Variants in NAA30 observed in about 807,000 individuals in gnomAD.
NAA30 encodes the protein N-alpha-acetyltransferase 30, NatC catalytic subunit, also known as N-alpha-acetyltransferase 30.
A neutral mutation model predicts 31.4 loss-of-function variants in NAA30; 5 were observed. The observed-to-expected ratio is 0.16, with a 90% confidence interval of 0.08 to 0.33. NAA30 has a LOEUF of 0.33. NAA30 is among the 10% of genes least tolerant of loss of function. The pLI is 1.00. For synonymous variants in NAA30, 222 were observed against 207.1 expected (o/e 1.07, Z -0.62); for missense variants, 428 against 490.8 (o/e 0.87, Z 1.21).
Position 57,413,166 on chromosome 14 carries a change from A to T in NAA30, c.*3650A>T, listed in dbSNP as rs560942402. ...AGACACCAAAGTAAAATAGAGCAAT[A>T]TCCAAAGAGCTTTTTGCCCCTGTCT... On this transcript the variant is annotated 3_prime_UTR_variant, in exon 5 of 5. Coordinates refer to ENST00000556492, the MANE Select transcript of NAA30 (RefSeq NM_001011713.3). The T allele has an allele frequency of 1.3e-5, 2 of 151,868 alleles. No individual in the cohort carries two copies. Among genetic ancestry groups the T allele is most frequent in the Non-Finnish European group, 2.9e-5 (2 of 67,982 alleles). The allele number at this position is 151,868 out of a possible 1,614,324, so 9.4% of individuals were successfully genotyped here. A position where few individuals can be genotyped will look rare whatever the true frequency, so the allele number is the denominator to read the frequency against.
chr14:57,391,124 C>T lies in NAA30; in HGVS notation c.167C>T (p.Pro56Leu). 6.4e-7 allele frequency: 1 copy of T among 1,570,866 alleles called. No homozygotes were observed. ...CACGAAGGCGGCGGCAGCAGGAGCC[C>T]GGCGGGCGGAGAGTCGGCGACGGTG... is the stretch of plus-strand genomic sequence containing the variant. ...EEHEGGGSRS[P>L]AGGESATVAA... Residue 56 changes from proline (P) to leucine (L), a missense_variant, in exon 2 of 5, where the codon CCG (proline) becomes CTG (leucine). Pro to Leu is a moderately conservative substitution (Grantham distance 98, BLOSUM62 -3). Transcript: ENST00000556492. The surrounding 1 kb of genome is among the most constrained non-coding windows in gnomAD (Gnocchi z 4.1).
intron 4 of NAA30, among the ~76,000 whole-genome samples, chr14:57,408,550 C>T (rs1490143123): frequency 6.6e-6 from 1 of 152,144 alleles, no homozygotes; most frequent in Non-Finnish European, 1.5e-5. Context: ...CATCATCTAG[C>T]AATTTAAAAA....
At chr14:57,398,960 T>C (rs770321721) in intron 3 of NAA30, among the ~76,000 whole-genome samples, 4 of 151,900 alleles carry the variant, frequency 2.6e-5, no homozygotes, top group Admixed American at 6.6e-5. Context: ...TTAGTAGAGA[T>C]GGGGTTTTGC....
chr14:57,413,007 T>C lies in NAA30; in HGVS notation c.*3491T>C, dbSNP rs1031401265. On this transcript the variant is annotated 3_prime_UTR_variant, in exon 5 of 5. Transcript: ENST00000556492. The stretch of plus-strand genomic sequence containing the variant: ...GTCAGTTATCGGTACATTTTCCATG[T>C]GTTCAGTCAAAAGTTTATCTTTTTA... 1 of 152,224 alleles carries C rather than the reference T, an allele frequency of 6.6e-6. No homozygotes were observed. Among genetic ancestry groups the C allele is most frequent in the African/African-American group, 2.4e-5 (1 of 41,472 alleles). The allele number at this position is 152,224 out of a possible 1,614,324, so 9.4% of individuals were successfully genotyped here.
At chr14:57,402,676 G>GA (rs1480541273) in intron 4 of NAA30, among the ~76,000 whole-genome samples, 15 of 152,256 alleles carry the variant, frequency 9.9e-5, no homozygotes, top group Admixed American at 2.0e-4. Flanking sequence ...AGCGATTAAT[G>GA]AAAAGGCAAA....
chr14:57,404,330 A>C (rs903913137), intron 4 of NAA30, among the ~76,000 whole-genome samples: 5 of 152,296 alleles, frequency 3.3e-5, no homozygotes, highest in African/African-American at 1.2e-4. Flanking sequence ...ACACACACAC[A>C]CACAAAAAGA....
At chr14:57,407,330 A>G (rs1308572029) in intron 4 of NAA30, among the ~76,000 whole-genome samples, 1 of 152,016 alleles carries the variant, frequency 6.6e-6, no homozygotes, top group Admixed American at 6.5e-5. Flanking sequence ...AGATCTTTTA[A>G]AGGTTTAGAT....
Position 57,402,237 on chromosome 14 carries a change from TC to T in NAA30, c.951+2356del, listed in dbSNP as rs2066480291. On this transcript the variant is annotated intron_variant, in intron 4 of 4. Transcript: ENST00000556492. ...AACAACTCCTTTAAGTTTTTCTTGA[TC>T]CTTCTGGACAGAATCCATTTCACTT... is the stretch of plus-strand genomic sequence containing the variant. 2.6e-5 allele frequency among the ~76,000 whole-genome samples: 4 copies of T among 152,384 alleles called. No individual in the cohort carries two copies. In the South Asian group the frequency reaches 8.3e-4, roughly 32 times the overall value.
At position 57,391,073 on chromosome 14, in the gene NAA30, G is replaced by A; in HGVS notation, c.116G>A (p.Ser39Asn). ...GCGGGGGCCGCCCTCGCCTGCTGCA[G>A]CGAGGACGAGGAGGACGACGAAGAG... ...FPAGAALACC[S>N]EDEEDDEEHE... The change falls in exon 2 of 5, where the codon AGC becomes AAC. Residue 39 changes from serine (S) to asparagine (N), a missense_variant. Physicochemically the swap from Ser to Asn is conservative, Grantham distance 46 (BLOSUM62 1). Coordinates refer to ENST00000556492, the MANE Select transcript of NAA30 (RefSeq NM_001011713.3). This position sits in a 1 kb window ranked among gnomAD's most constrained non-coding sequence, Gnocchi z 4.1. The A allele has an allele frequency of 6.5e-7, 1 of 1,535,450 alleles. No homozygotes were observed. The highest frequency in any genetic ancestry group is 2.1e-5 in the Admixed American group (1 of 47,294).
chr14:57,414,719 G>T lies in NAA30; in HGVS notation c.*5203G>T. On this transcript the variant is annotated 3_prime_UTR_variant, in exon 5 of 5. Transcript: ENST00000556492. ...CAGTGTATTACCTTTGACCCTCGCT[G>T]GTCATCTGGTAAGTGTAGTTCATCA... The T allele has an allele frequency of 6.6e-6, 1 of 152,144 alleles. No homozygotes were observed. Among genetic ancestry groups the T allele is most frequent in the East Asian group, 1.9e-4 (1 of 5,190 alleles). The allele number at this position is 152,144 out of a possible 1,614,324, so 9.4% of individuals were successfully genotyped here. A position where few individuals can be genotyped will look rare whatever the true frequency, so the allele number is the denominator to read the frequency against.
chr14:57,410,948 T>C lies in NAA30; in HGVS notation c.*1432T>C, dbSNP rs1164605082. ...TTGTTTTCATTTGAATATGCTCTAC[T>C]TCTGCTCTAGTATTTGGTTTGGAAT... On this transcript the variant is annotated 3_prime_UTR_variant, in exon 5 of 5. Transcript: ENST00000556492. 6.6e-6 allele frequency: 1 copy of C among 152,548 alleles called. No individual in the cohort carries two copies. Among genetic ancestry groups the C allele is most frequent in the African/African-American group, 2.4e-5 (1 of 41,452 alleles). The allele number at this position is 152,548 out of a possible 1,614,324, so 9.4% of individuals were successfully genotyped here.
At chr14:57,405,105 G>A (rs2066492977) in intron 4 of NAA30, among the ~76,000 whole-genome samples, 1 of 151,910 alleles carries the variant, frequency 6.6e-6, no homozygotes. Context: ...CCTACTTAAT[G>A]CTACTTATTT....
At chr14:57,406,763 A>C (rs941624591) in intron 4 of NAA30, among the ~76,000 whole-genome samples, 1 of 152,228 alleles carries the variant, frequency 6.6e-6, no homozygotes, top group Admixed American at 6.5e-5. Flanking sequence ...GGACCTCATA[A>C]CAATTGCAGG....
At position 57,391,832 on chromosome 14, in the gene NAA30, A is replaced by G. The variant is rs1400381923; in HGVS notation, c.771+104A>G. The G allele has an allele frequency of 4.3e-5, 36 of 839,478 alleles. No individual in the cohort carries two copies. The highest frequency in any genetic ancestry group is 3.1e-4 in the Middle Eastern group (1 of 3,234). 52.0% of individuals were successfully genotyped at this position (839,478 alleles called of 1,614,324 possible). The stretch of plus-strand genomic sequence containing the variant: ...TGGCAGTGGATATCTCCTGCTGCGT[A>G]TCATAGTACGTTATATGATGTCAAG... On this transcript the variant is annotated intron_variant, in intron 2 of 4. Coordinates refer to ENST00000556492, the MANE Select transcript of NAA30 (RefSeq NM_001011713.3). The surrounding 1 kb of genome is among the most constrained non-coding windows in gnomAD (Gnocchi z 4.1).
chr14:57,403,234 GAAAA>G (rs11406655), intron 4 of NAA30, among the ~76,000 whole-genome samples: 1 of 136,518 alleles, frequency 7.3e-6, no homozygotes, highest in Admixed American at 7.3e-5. Flanking sequence ...TCCGTGGCCG[GAAAA>G]AAAAAAAAAA....
At chr14:57,404,192 C>T (rs548889682) in intron 4 of NAA30, among the ~76,000 whole-genome samples, 112 of 152,046 alleles carry the variant, frequency 7.4e-4, no homozygotes, top group Non-Finnish European at 1.4e-3. Flanking sequence ...TGTGGTGGTG[C>T]GTGCCTGTAA....
chr14:57,399,833 A>G lies in NAA30; in HGVS notation c.901A>G (p.Asn301Asp), dbSNP rs2066466892. 2 of 1,508,074 alleles carry G rather than the reference A, an allele frequency of 1.3e-6. No homozygotes were observed. The allele number at this position is 1,508,074 out of a possible 1,614,324, so 93.4% of individuals were successfully genotyped here. The change falls in exon 4 of 5, where the codon AAC becomes GAC. Residue 301 changes from asparagine to aspartate, a missense_variant. Transcript: ENST00000556492. ...TACTCAGATCTATATTCTAGGTACT[A>G]ACTTGGTTAAGAAAGCTATATATGC... The part of the protein sequence containing the change: ...SKYRRNGIGT[N>D]LVKKAIYAMV...
At position 57,399,851 on chromosome 14, in the gene NAA30, A is replaced by G. The variant is rs1186570124; in HGVS notation, c.919A>G (p.Ile307Val). 6.5e-7 allele frequency: 1 copy of G among 1,546,060 alleles called. No homozygotes were observed. The highest frequency in any genetic ancestry group is 1.1e-5 in the South Asian group (1 of 88,250). The change falls in exon 4 of 5, where the codon ATA becomes GTA. Residue 307 changes from isoleucine to valine, a missense_variant. By Grantham distance (29) the Ile-to-Val change is conservative (BLOSUM62 3). Around this residue, in one of 2 missense-constraint regions of NAA30, gnomAD observed 79 missense variants for 180.3 expected, o/e 0.44. Coordinates refer to ENST00000556492, the MANE Select transcript of NAA30 (RefSeq NM_001011713.3). ...GIGTNLVKKA[I>V]YAMVEGDCDE... is the part of the protein sequence containing the mutation. ...AGGTACTAACTTGGTTAAGAAAGCT[A>G]TATATGCCATGGTTGAGGGAGACTG...
In NAA30 at chr14:57,391,303, G is replaced by A. The variant is rs1219363416; in HGVS notation, c.346G>A (p.Ala116Thr). Residue 116 changes from alanine to threonine, a missense_variant, in exon 2 of 5, where the codon GCC (alanine) becomes ACC (threonine). By Grantham distance (58) the Ala-to-Thr change is moderately conservative. This residue lies in a region of NAA30 where 349 missense variants were observed against 310.4 expected (regional missense o/e 1.12). Transcript: ENST00000556492. This position sits in a 1 kb window ranked among gnomAD's most constrained non-coding sequence, Gnocchi z 4.1. ...CGTAGCAGAGGTGGCCGCGACCACA[G>A]CCACCCCTGACGGAGGCCCCAGAGC... ...LSVAEVAATT[A>T]TPDGGPRATA... is the part of the protein sequence containing the mutation. 1 of 1,610,896 alleles carries A rather than the reference G, an allele frequency of 6.2e-7. No homozygotes were observed. Among genetic ancestry groups the A allele is most frequent in the South Asian group, 1.1e-5 (1 of 90,880 alleles).
Sources: allele counts gnomAD v4.1 joint callset (sites outside exome capture counted in the v4.1 genomes callset), GRCh38; gene constraint gnomAD v4.1.1; regional missense constraint gnomAD v4.1.1; non-coding constraint Gnocchi (gnomAD v3.1); transcripts MANE v1.5; gene names NCBI Gene and HGNC (gene_info 2026-07-23, HGNC 2026-07-21).